PPP2R2B: variants seen among roughly 807,000 people sequenced by gnomAD.
The protein encoded by PPP2R2B is protein phosphatase 2 regulatory subunit Bbeta.
A neutral mutation model predicts 46.0 loss-of-function variants in PPP2R2B; 5 were observed. The observed-to-expected ratio is 0.11, with a 90% CI of 0.06 to 0.23. PPP2R2B has a LOEUF of 0.23. Ranked by LOEUF, PPP2R2B falls within the 10% of genes least tolerant of loss-of-function variation. The probability of loss-of-function intolerance (pLI) is 1.00; values close to 1 mark genes in which losing one functional copy is unlikely to be tolerated. For synonymous variants in PPP2R2B, 215 were observed against 206.7 expected, an observed-to-expected ratio of 1.04 and a Z score of -0.34; for missense variants, 367 against 575.0, an observed-to-expected ratio of 0.64 and a Z score of 3.70.
chr5:146,595,249 C>T (rs1195719639), intron 8 of PPP2R2B, among the ~76,000 whole-genome samples: 3 of 152,158 alleles, frequency 2.0e-5, no homozygotes, highest in Non-Finnish European at 4.4e-5. Context: ...CCTGCCCTTA[C>T]AGAGGCATCT....
intron 1 of PPP2R2B, among the ~76,000 whole-genome samples, chr5:146,954,229 G>T (rs1352269963): frequency 6.6e-6 from 1 of 151,536 alleles, no homozygotes; most frequent in East Asian, 1.9e-4. Flanking sequence ...TAGTTCTCCA[G>T]GACCTCAAAA....
Position 146,589,850 on chromosome 5 carries a change from T to C in PPP2R2B, c.*97A>G. On this transcript the variant is annotated 3_prime_UTR_variant, in exon 10 of 10. Transcript: ENST00000394411. ...TCCAATCATTTCCTGTATAGGGAAA[T>C]TAAAGTCAATGCATCAAATGAAGAC... The C allele has an allele frequency of 1.7e-6, 2 of 1,209,536 alleles. No homozygotes were observed. The highest frequency in any genetic ancestry group is 2.3e-6 in the Non-Finnish European group (2 of 851,744). The allele number at this position is 1,209,536 out of a possible 1,614,324, so 74.9% of individuals were successfully genotyped here. A position where few individuals can be genotyped will look rare whatever the true frequency, so the allele number is the denominator to read the frequency against.
chr5:146,805,256 C>A (rs1245468312), intron 2 of PPP2R2B, among the ~76,000 whole-genome samples: 3 of 152,126 alleles, frequency 2.0e-5, no homozygotes, highest in African/African-American at 7.2e-5. Flanking sequence ...CATCTGCAAA[C>A]CTTTCCCTAG....
At chr5:146,697,921 G>T (rs1197258664) in intron 4 of PPP2R2B, 58 bp downstream of exon 4, 4 of 1,491,792 alleles carry the variant, frequency 2.7e-6, no homozygotes, top group Non-Finnish European at 9.1e-7. Flanking sequence ...AAGAGAGATT[G>T]AAGTATATAG....
chr5:147,078,408 A>G (rs1757859317), intron 2 of PPP2R2B, among the ~76,000 whole-genome samples: 1 of 151,600 alleles, frequency 6.6e-6, no homozygotes, highest in South Asian at 2.1e-4. Flanking sequence ...GTAAGAGAAT[A>G]ATGGATTACT....
intron 1 of PPP2R2B, among the ~76,000 whole-genome samples, chr5:146,885,073 T>C (rs886389438): frequency 1.3e-5 from 2 of 152,208 alleles, no homozygotes; most frequent in Admixed American, 1.3e-4. Context: ...TGAGTTCATA[T>C]GATGGCAAAT....
intron 2 of PPP2R2B, among the ~76,000 whole-genome samples, chr5:146,797,065 G>A (rs1294092096): frequency 6.6e-6 from 1 of 152,152 alleles, no homozygotes; most frequent in African/African-American, 2.4e-5. Flanking sequence ...CGTTCCCACT[G>A]TGTTCTCACA....
intron 1 of PPP2R2B, among the ~76,000 whole-genome samples, chr5:147,049,440 A>T (rs1289729689): frequency 1.3e-5 from 2 of 152,074 alleles, no homozygotes; most frequent in Non-Finnish European, 1.5e-5. Flanking sequence ...CTGATTGGAA[A>T]GGTTGGCTAG....
At chr5:146,742,486 T>C (rs1161449266) in intron 2 of PPP2R2B, among the ~76,000 whole-genome samples, 2 of 152,338 alleles carry the variant, frequency 1.3e-5, no homozygotes, top group Non-Finnish European at 2.9e-5. Flanking sequence ...TCATTATTAC[T>C]TGAAGATATT....
intron 1 of PPP2R2B, among the ~76,000 whole-genome samples, chr5:146,884,195 C>T (rs558439959): frequency 2.8e-5 from 4 of 144,584 alleles, no homozygotes; most frequent in South Asian, 2.2e-4. Context: ...TCTCTGTTAT[C>T]GGTGCAAAGT....
At chr5:146,632,074 C>T (rs950884628) in intron 7 of PPP2R2B, among the ~76,000 whole-genome samples, 1 of 136,212 alleles carries the variant, frequency 7.3e-6, no homozygotes, top group Middle Eastern at 3.3e-3. Flanking sequence ...CCCCCCCCCG[C>T]CCATTCATAT....
intron 2 of PPP2R2B, among the ~76,000 whole-genome samples, chr5:146,839,729 G>A (rs1377698873): frequency 6.6e-6 from 1 of 152,198 alleles, no homozygotes; most frequent in Non-Finnish European, 1.5e-5. Flanking sequence ...AAACAAGTCT[G>A]AAAACTGGAA....
chr5:146,649,961 T>C (rs1775846628), intron 6 of PPP2R2B, among the ~76,000 whole-genome samples: 1 of 152,228 alleles, frequency 6.6e-6, no homozygotes, highest in Non-Finnish European at 1.5e-5. Context: ...TTATAATATG[T>C]ATACTGTACA....
intron 2 of PPP2R2B, among the ~76,000 whole-genome samples, chr5:146,703,917 T>C (rs1457552851): frequency 6.6e-6 from 1 of 152,254 alleles, no homozygotes; most frequent in African/African-American, 2.4e-5. Context: ...CTGAAATTCC[T>C]TAGCCCTCTT....
chr5:146,880,382 G>A (rs757269911), upstream of PPP2R2B, among the ~76,000 whole-genome samples: 2 of 152,154 alleles, frequency 1.3e-5, no homozygotes, highest in South Asian at 2.1e-4. Context: ...ACAAGTTGTC[G>A]TGGCTGGTTC....
At chr5:146,644,312 C>T (rs199946273) in intron 6 of PPP2R2B, among the ~76,000 whole-genome samples, 1 of 16,306 alleles carries the variant, frequency 6.1e-5, no homozygotes, top group African/African-American at 9.6e-5. Flanking sequence ...TTGTTTTTGG[C>T]TTTGGCTTTT....
intron 8 of PPP2R2B, among the ~76,000 whole-genome samples, chr5:146,597,436 C>T (rs1309572348): frequency 1.3e-5 from 2 of 152,146 alleles, no homozygotes; most frequent in East Asian, 3.9e-4. Context: ...TTCCCCTTTT[C>T]CCTACCTTCG....
At chr5:146,730,822 A>AGGG (rs1752183029) in intron 2 of PPP2R2B, among the ~76,000 whole-genome samples, 1 of 152,176 alleles carries the variant, frequency 6.6e-6, no homozygotes, top group African/African-American at 2.4e-5. Flanking sequence ...ATCAGCATAA[A>AGGG]AATGGACTAA....
At chr5:146,985,585 C>G (rs1460275351) in intron 1 of PPP2R2B, among the ~76,000 whole-genome samples, 1 of 152,064 alleles carries the variant, frequency 6.6e-6, no homozygotes, top group Admixed American at 6.6e-5. Context: ...ACCATAAAGG[C>G]CATATAGGAT....
Sources: allele counts gnomAD v4.1 joint callset (sites outside exome capture counted in the v4.1 genomes callset), GRCh38; gene constraint gnomAD v4.1.1; transcripts MANE v1.5; gene names NCBI Gene and HGNC (gene_info 2026-07-23, HGNC 2026-07-21).